The following TMEM74 variants were observed in gnomAD, a reference collection of about 807,000 sequenced individuals.
TMEM74 encodes transmembrane protein 74.
Under a neutral mutation model 18.1 loss-of-function variants are expected in TMEM74, and 13 were observed. That is an observed-to-expected ratio of 0.72 (90% CI 0.47 to 1.14). The LOEUF (loss-of-function observed/expected upper bound fraction) is 1.14, where lower values mean the gene tolerates loss of function less well. TMEM74 is among the 50% of genes most tolerant of loss of function. The pLI is 0.00. For missense variants in TMEM74, 372 were observed against 375.9 expected (o/e 0.99, Z 0.09); for synonymous variants, 159 against 146.6 (o/e 1.08, Z -0.61).
chr8:108,760,769 C>T (rs1814034794), intron 1 of TMEM74, among the ~76,000 whole-genome samples: 1 of 151,972 alleles, frequency 6.6e-6, no homozygotes, highest in South Asian at 2.1e-4. Context: ...TAACCCTACA[C>T]CATGATCTAT....
chr8:108,787,060 C>G (rs1198078529), intron 1 of TMEM74, among the ~76,000 whole-genome samples: 9 of 152,210 alleles, frequency 5.9e-5, no homozygotes, highest in Admixed American at 5.9e-4. Context: ...CGTCCTCTCC[C>G]TCTTTTTCCT....
intron 1 of TMEM74, among the ~76,000 whole-genome samples, chr8:108,756,691 A>AAAGGAAG (rs1813974727): frequency 9.3e-6 from 1 of 107,228 alleles, no homozygotes; most frequent in Non-Finnish European, 1.8e-5. Flanking sequence ...AAAGAAAGAA[A>AAAGGAAG]GAAAGAAGGA....
chr8:108,657,343 G>A (rs1322147155), intron 1 of TMEM74, among the ~76,000 whole-genome samples: 1 of 151,892 alleles, frequency 6.6e-6, no homozygotes, highest in Non-Finnish European at 1.5e-5. Flanking sequence ...AAGCAGGAGA[G>A]GTAAATGTGA....
chr8:108,690,121 GTAGTGCTAC>G lies in TMEM74; in HGVS notation n.120-34693_120-34685del, dbSNP rs759010481. Among the ~76,000 whole-genome samples the G allele has an allele frequency of 7.2e-3, 1,100 of 152,116 alleles. 5 individuals are homozygous for G. Among genetic ancestry groups the G allele is most frequent in the Middle Eastern group, 0.017 (5 of 292 alleles). On this transcript the variant is annotated intron_variant and non_coding_transcript_variant, in intron 1 of 3. Transcript: ENST00000518838. The stretch of plus-strand genomic sequence containing the variant: ...TGAGTAGGACTACACACATATGTAT[GTAGTGCTAC>G]TCAGTCTTGAGTCAAAATAGATGAT...
intron 2 of TMEM74, among the ~76,000 whole-genome samples, chr8:108,645,555 A>T (rs1406930318): frequency 1.3e-5 from 2 of 152,128 alleles, no homozygotes; most frequent in African/African-American, 4.8e-5. Context: ...CTGTGATCAG[A>T]GGAGAAGCTT....
intron 1 of TMEM74, among the ~76,000 whole-genome samples, chr8:108,677,697 G>T (rs190106582): frequency 8.5e-5 from 13 of 152,174 alleles, no homozygotes; most frequent in Admixed American, 8.5e-4. Context: ...AAACTGACAA[G>T]TAATGACAGT....
At chr8:108,619,387 T>G (rs577078506) in intron 2 of TMEM74, among the ~76,000 whole-genome samples, 1 of 152,222 alleles carries the variant, frequency 6.6e-6, no homozygotes, top group Non-Finnish European at 1.5e-5. Flanking sequence ...GAATTCCACA[T>G]GCAAATGCAG....
chr8:108,717,799 T>C (rs1813541096), intron 1 of TMEM74, among the ~76,000 whole-genome samples: 1 of 152,052 alleles, frequency 6.6e-6, no homozygotes, highest in Non-Finnish European at 1.5e-5. Context: ...GAGGTAAGTG[T>C]GCCTTGAGTG....
At chr8:108,639,990 C>T (rs180724027) in intron 2 of TMEM74, among the ~76,000 whole-genome samples, 10 of 152,046 alleles carry the variant, frequency 6.6e-5, no homozygotes, top group East Asian at 5.8e-4. Context: ...GATATCACCA[C>T]GCAGGGAAAG....
At chr8:108,629,032 T>C (rs1433711170) in intron 2 of TMEM74, among the ~76,000 whole-genome samples, 1 of 152,106 alleles carries the variant, frequency 6.6e-6, no homozygotes, top group Non-Finnish European at 1.5e-5. Flanking sequence ...ACTCTGGATA[T>C]TAGACCTTTG....
At chr8:108,635,838 CTT>C (rs969091525) in intron 2 of TMEM74, among the ~76,000 whole-genome samples, 43 of 152,144 alleles carry the variant, frequency 2.8e-4, no homozygotes, top group African/African-American at 1.0e-3. Flanking sequence ...TTTAATGACA[CTT>C]AATCTCATCT....
At chr8:108,665,617 T>C (rs1812942157) in intron 1 of TMEM74, among the ~76,000 whole-genome samples, 1 of 152,152 alleles carries the variant, frequency 6.6e-6, no homozygotes, top group Non-Finnish European at 1.5e-5. Context: ...TAAATGGAGA[T>C]GCTTAAAGTT....
intron 1 of TMEM74, among the ~76,000 whole-genome samples, chr8:108,674,833 C>T (rs113598368): frequency 0.034 from 5,140 of 152,252 alleles, 173 homozygotes; most frequent in African/African-American, 0.08. Flanking sequence ...AGTTAATACA[C>T]GCAGCTCTGG....
intron 1 of TMEM74, among the ~76,000 whole-genome samples, chr8:108,683,955 GTATTCCATTGTGTA>G (rs1223214828): frequency 6.6e-6 from 1 of 152,012 alleles, no homozygotes; most frequent in Non-Finnish European, 1.5e-5. Context: ...TGTCTGAATA[GTATTCCATTGTGTA>G]TATATACACC....
downstream of TMEM74, among the ~76,000 whole-genome samples, chr8:108,778,356 G>A (rs1814258061): frequency 6.6e-6 from 1 of 152,156 alleles, no homozygotes; most frequent in Admixed American, 6.6e-5. Flanking sequence ...CCAGGGACAT[G>A]TAAAAAGGTG....
downstream of TMEM74, among the ~76,000 whole-genome samples, chr8:108,776,973 ACT>A (rs1489056904): frequency 1.3e-5 from 2 of 152,054 alleles, no homozygotes; most frequent in Non-Finnish European, 2.9e-5. Flanking sequence ...ACCTACAAAA[ACT>A]CATATTCTGT....
At chr8:108,716,676 A>G (rs1346083866) in intron 1 of TMEM74, among the ~76,000 whole-genome samples, 1 of 152,024 alleles carries the variant, frequency 6.6e-6, no homozygotes, top group Non-Finnish European at 1.5e-5. Context: ...CATGCAGGAG[A>G]AAATCATCAA....
chr8:108,724,014 G>C (rs944115383), intron 1 of TMEM74, among the ~76,000 whole-genome samples: 5 of 152,262 alleles, frequency 3.3e-5, no homozygotes, highest in Admixed American at 1.3e-4. Context: ...ATGATCCTGA[G>C]TTTGAGCCCC....
chr8:108,715,290 C>T (rs985833053), intron 1 of TMEM74, among the ~76,000 whole-genome samples: 24 of 151,764 alleles, frequency 1.6e-4, no homozygotes, highest in Non-Finnish European at 3.2e-4. Context: ...AGGAGGGAGG[C>T]GAGGGCTAAA....
Sources: gnomAD v4.1 joint callset for allele counts (sites outside exome capture counted in the v4.1 genomes callset) on GRCh38, gnomAD v4.1.1 for gene constraint, MANE v1.5 for transcripts, NCBI Gene and HGNC (gene_info 2026-07-23, HGNC 2026-07-21) for gene names.